Variants in TIAM1 observed in about 807,000 individuals in gnomAD.
TIAM1 encodes the protein TIAM Rac1 associated GEF 1, also known as rho guanine nucleotide exchange factor TIAM1.
TIAM1 carries 65 observed loss-of-function variants against 163.5 expected under a neutral mutation model. That is an observed-to-expected ratio of 0.40 (90% confidence interval 0.33 to 0.49). TIAM1 has a LOEUF of 0.49. TIAM1 is among the 20% of genes least tolerant of loss of function. The pLI is 0.77. For synonymous variants in TIAM1, 833 were observed against 810.1 expected, an observed-to-expected ratio of 1.03 and a Z score of -0.48; for missense variants, 1,789 against 2,044.7, an observed-to-expected ratio of 0.87 and a Z score of 2.41.
intron 15 of TIAM1, among the ~76,000 whole-genome samples, chr21:31,175,544 G>T (rs2084719502): frequency 6.6e-6 from 1 of 152,050 alleles, no homozygotes; most frequent in South Asian, 2.1e-4. Context: ...GATGTAAAAA[G>T]GAAAAACAAG....
chr21:31,392,281 G>A (rs1024946181), intron 2 of TIAM1, among the ~76,000 whole-genome samples: 10 of 152,166 alleles, frequency 6.6e-5, no homozygotes, highest in South Asian at 2.1e-4. Context: ...TTAAAAAGTC[G>A]AAAATGAGGC....
intron 25 of TIAM1, 101 bp downstream of exon 25, chr21:31,130,112 A>G: frequency 1.1e-6 from 1 of 911,698 alleles, no homozygotes; most frequent in Non-Finnish European, 1.6e-6. Flanking sequence ...AAAAAAAAAA[A>G]GACGGTAGAA....
intron 2 of TIAM1, among the ~76,000 whole-genome samples, chr21:31,284,603 C>T (rs774876093): frequency 6.6e-6 from 1 of 152,124 alleles, no homozygotes; most frequent in Admixed American, 6.5e-5. Context: ...ACCGCAACCT[C>T]CACCTCTCAA....
intron 2 of TIAM1, among the ~76,000 whole-genome samples, chr21:31,461,250 G>A (rs531493185): frequency 1.1e-4 from 16 of 152,212 alleles, no homozygotes; most frequent in African/African-American, 2.9e-4. Context: ...TTGCGAGGCC[G>A]AGGCGGGCAG....
rs189678303 is a variant in TIAM1, at chr21:31,397,035, G to A, written c.-368-57613C>T. Among the ~76,000 whole-genome samples, 288 of 152,198 alleles carry A rather than the reference G, an allele frequency of 1.9e-3. 3 individuals carry two copies. The highest frequency in any genetic ancestry group is 6.4e-3 in the African/African-American group (266 of 41,512). ...ACCAAAGCAAAGGGATCCTTCGATC[G>A]CTGTGATATGATTGTATTTAAGCGA... On this transcript the variant is annotated intron_variant, in intron 2 of 28. Coordinates refer to the TIAM1 transcript ENST00000286827.
intron 25 of TIAM1, among the ~76,000 whole-genome samples, chr21:31,128,685 T>C (rs1433494676): frequency 6.6e-6 from 1 of 151,164 alleles, no homozygotes; most frequent in African/African-American, 2.5e-5. Context: ...GCAAATCACA[T>C]CATAAGTAAA....
chr21:31,383,083 T>G (rs2076806257), intron 2 of TIAM1, among the ~76,000 whole-genome samples: 1 of 151,844 alleles, frequency 6.6e-6, no homozygotes, highest in South Asian at 2.1e-4. Context: ...CTACTAAAAC[T>G]ATGAAAATTA....
chr21:31,223,828 G>A (rs1423035083), intron 7 of TIAM1, among the ~76,000 whole-genome samples: 5 of 152,088 alleles, frequency 3.3e-5, no homozygotes, highest in South Asian at 2.1e-4. Flanking sequence ...CTTGGAGTTC[G>A]TACTGGGGGC....
At chr21:31,415,276 C>T (rs998703078) in intron 2 of TIAM1, among the ~76,000 whole-genome samples, 2 of 152,170 alleles carry the variant, frequency 1.3e-5, no homozygotes, top group African/African-American at 4.8e-5. Flanking sequence ...TATTGGTTAT[C>T]TTATTAACAA....
chr21:31,390,161 T>C (rs191240165), intron 2 of TIAM1, among the ~76,000 whole-genome samples: 61 of 152,330 alleles, frequency 4.0e-4, no homozygotes, highest in African/African-American at 1.2e-3. Context: ...GGATGCAGTA[T>C]TATGGACATA....
At chr21:31,283,840 C>T (rs775660777) in intron 2 of TIAM1, among the ~76,000 whole-genome samples, 55 of 152,270 alleles carry the variant, frequency 3.6e-4, no homozygotes, top group Admixed American at 1.0e-3. Context: ...CCGCGCCCAT[C>T]CCCTTTTCCC....
At chr21:31,486,056 T>G (rs1364676095) in intron 1 of TIAM1, among the ~76,000 whole-genome samples, 1 of 152,154 alleles carries the variant, frequency 6.6e-6, no homozygotes, top group Non-Finnish European at 1.5e-5. Flanking sequence ...TGCACACCAC[T>G]GAGTGGAAAC....
At chr21:31,487,684 A>T (rs1439222463) in intron 1 of TIAM1, among the ~76,000 whole-genome samples, 1 of 151,540 alleles carries the variant, frequency 6.6e-6, no homozygotes, top group South Asian at 2.1e-4. Context: ...CAGCCTCCCA[A>T]GTAGCTGGGA....
At position 31,368,000 on chromosome 21, in the gene TIAM1, C is replaced by T. The variant is rs575633607; in HGVS notation, c.-368-28578G>A. 2.0e-5 allele frequency among the ~76,000 whole-genome samples: 3 copies of T among 152,254 alleles called. No homozygotes were observed. In the South Asian group the frequency reaches 6.2e-4, roughly 32 times the overall value. On this transcript the variant is annotated intron_variant, in intron 2 of 28. Transcript: ENST00000286827. ...TGAGCTGAACCCAAAAATAGCCACT[C>T]TAGAATATTCATGAGAGGCCTCTCA...
At chr21:31,442,232 G>GTTT (rs904586823) in intron 2 of TIAM1, among the ~76,000 whole-genome samples, 1 of 124,998 alleles carries the variant, frequency 8.0e-6, no homozygotes. Context: ...GGAGTAGGGA[G>GTTT]TTTTTTTTTT....
intron 1 of TIAM1, among the ~76,000 whole-genome samples, chr21:31,540,875 G>A (rs1220289859): frequency 5.9e-5 from 9 of 152,094 alleles, no homozygotes; most frequent in East Asian, 1.9e-4. Flanking sequence ...AGAGAGAGCC[G>A]GAGATATTGT....
At chr21:31,335,793 T>C (rs1299773791) in intron 2 of TIAM1, among the ~76,000 whole-genome samples, 1 of 152,084 alleles carries the variant, frequency 6.6e-6, no homozygotes, top group Non-Finnish European at 1.5e-5. Context: ...AATGTCTCTG[T>C]TTATATTCAC....
chr21:31,396,058 T>C (rs2077063071), intron 2 of TIAM1, among the ~76,000 whole-genome samples: 1 of 152,240 alleles, frequency 6.6e-6, no homozygotes, highest in African/African-American at 2.4e-5. Context: ...GGAAGTCTTA[T>C]AATTACAGCT....
chr21:31,216,736 C>A (rs1377229665), intron 9 of TIAM1, among the ~76,000 whole-genome samples: 1 of 152,142 alleles, frequency 6.6e-6, no homozygotes, highest in Admixed American at 6.5e-5. Flanking sequence ...CCCGTTCCAG[C>A]CCCTGGACCT....
Sources: gnomAD v4.1 joint callset for allele counts (sites outside exome capture counted in the v4.1 genomes callset) on GRCh38, gnomAD v4.1.1 for gene constraint, MANE v1.5 for transcripts, NCBI Gene and HGNC (gene_info 2026-07-23, HGNC 2026-07-21) for gene names.